The following DDX17 variants were observed in gnomAD, a reference collection of about 807,000 sequenced individuals.
The protein encoded by DDX17 is DEAD-box helicase 17, also known as probable ATP-dependent RNA helicase DDX17.
DDX17 carries 10 observed loss-of-function variants against 80.8 expected under a neutral mutation model. The ratio of observed to expected loss-of-function variants is 0.12; its 90% CI spans 0.08 to 0.21. The LOEUF is 0.21. Ranked by LOEUF, DDX17 falls within the 10% of genes least tolerant of loss-of-function variation. The pLI is 1.00. For missense variants in DDX17, 586 were observed against 957.4 expected, an observed-to-expected ratio of 0.61 and a Z score of 5.12; for synonymous variants, 339 against 336.2, an observed-to-expected ratio of 1.01 and a Z score of -0.09.
intron 11 of DDX17, chr22:38,490,297 G>A (rs1393205105): frequency 7.8e-7 from 1 of 1,282,910 alleles, no homozygotes; most frequent in South Asian, 1.3e-5. Flanking sequence ...TGTCTGAAAG[G>A]CCCTATGACA....
At chr22:38,497,469 T>C (rs2089780291) in intron 5 of DDX17, among the ~76,000 whole-genome samples, 3 of 148,868 alleles carry the variant, frequency 2.0e-5, no homozygotes, top group African/African-American at 7.5e-5. Context: ...AATACAAACA[T>C]TAGCTGGGAG....
intron 10 of DDX17, 26 bp from the exon 11 acceptor site, chr22:38,492,141 T>A (rs780997745): frequency 6.3e-7 from 1 of 1,590,034 alleles, no homozygotes; most frequent in African/African-American, 1.4e-5. Flanking sequence ...ATAATCATCA[T>A]CAAATAAGCA....
chr22:38,495,236 C>T (rs1156976624), intron 6 of DDX17, among the ~76,000 whole-genome samples, 190 bp from the exon 7 acceptor site: 1 of 135,766 alleles, frequency 7.4e-6, no homozygotes, highest in Non-Finnish European at 1.5e-5. Context: ...CTCAATGCTG[C>T]AGAGAAGCTA....
Position 38,497,619 on chromosome 22 carries a change from C to CAA in DDX17, c.738+464_738+465dup, listed in dbSNP as rs138449. ...GGCAACAAGAGTGAGAATATATCTCCAAAAAAAAAAAAAAAAAAGAAAGAA... is the reference window on the plus strand; with the variant it reads ...GGCAACAAGAGTGAGAATATATCTCCAAAAAAAAAAAAAAAAAAAAGAAAGAA... On this transcript the variant is annotated intron_variant, in intron 5 of 12. Coordinates refer to ENST00000403230, the MANE Select transcript of DDX17 (RefSeq NM_006386.5). Among the ~76,000 whole-genome samples, 122 of 74,864 alleles carry CAA rather than the reference C, an allele frequency of 1.6e-3. 2 individuals are homozygous for CAA. Among genetic ancestry groups the CAA allele is most frequent in the South Asian group, 0.01 (18 of 1,726 alleles). 49.1% of individuals were successfully genotyped at this position (74,864 alleles called of 152,430 possible).
chr22:38,499,587 T>G, intron 2 of DDX17, 88 bp from the exon 3 acceptor site: 1 of 1,022,144 alleles, frequency 9.8e-7, no homozygotes, highest in Non-Finnish European at 1.5e-6. Context: ...AATTATCCAG[T>G]CCACAGCTAT....
intron 1 of DDX17, 169 bp downstream of exon 1, chr22:38,505,782 T>G (rs2089875534): frequency 2.4e-6 from 2 of 835,884 alleles, no homozygotes; most frequent in South Asian, 1.9e-5. Flanking sequence ...GGGTCCCGAG[T>G]GACCCCGGGG....
intron 11 of DDX17, chr22:38,490,112 G>A (rs1315105216): frequency 3.5e-6 from 4 of 1,144,014 alleles, no homozygotes; most frequent in African/African-American, 1.6e-5. Context: ...TGCATGCACA[G>A]CTGGATGGGG....
chr22:38,503,308 G>T (rs911789997), intron 1 of DDX17, among the ~76,000 whole-genome samples: 7 of 152,136 alleles, frequency 4.6e-5, no homozygotes, highest in African/African-American at 1.7e-4. Context: ...AATTATAAAA[G>T]ACTTCATTGT....
chr22:38,487,780 T>A (rs2089674890), intron 12 of DDX17, 99 bp downstream of exon 12: 1 of 1,241,724 alleles, frequency 8.1e-7, no homozygotes, highest in Admixed American at 1.7e-5. Flanking sequence ...TTAAGCAACA[T>A]ACTTACAGCC....
At chr22:38,496,201 T>C (rs2089764855) in intron 5 of DDX17, among the ~76,000 whole-genome samples, 1 of 152,150 alleles carries the variant, frequency 6.6e-6, no homozygotes, top group African/African-American at 2.4e-5. Context: ...CATTATAGTT[T>C]ATATATACTG....
rs2089703702 is a variant in DDX17, at chr22:38,490,536, G to A, written c.1447+1520C>T. ...AATAAAAAATATCCCAGTGGAAAGG[G>A]AAGTGGTAGCCTAAGGATGACTATT... On this transcript the variant is annotated intron_variant, in intron 11 of 12. Coordinates refer to ENST00000403230, the MANE Select transcript of DDX17 (RefSeq NM_006386.5). 45 of 1,011,720 alleles carry A rather than the reference G, an allele frequency of 4.4e-5. No homozygotes were observed. In the South Asian group the frequency reaches 5.4e-4, roughly 12 times the overall value. 62.7% of individuals were successfully genotyped at this position (1,011,720 alleles called of 1,614,324 possible).
chr22:38,494,511 A>G (rs1013273551), intron 8 of DDX17, 119 bp downstream of exon 8: 11 of 864,100 alleles, frequency 1.3e-5, no homozygotes, highest in Admixed American at 1.1e-4. Context: ...TCAGAAACCT[A>G]GCAATGCTTT....
intron 1 of DDX17, chr22:38,505,749 G>A (rs1300472198): frequency 3.3e-6 from 2 of 611,550 alleles, no homozygotes; most frequent in Non-Finnish European, 5.4e-6. Flanking sequence ...GAGGCCCAGC[G>A]TCGCCAAGCG....
At chr22:38,487,830 TAA>T (rs775622387) in intron 12 of DDX17, 47 bp downstream of exon 12, 3 of 1,607,532 alleles carry the variant, frequency 1.9e-6, no homozygotes, top group South Asian at 1.1e-5. Flanking sequence ...ACAGAAGGCG[TAA>T]AGAGATACCT....
At chr22:38,496,273 G>A (rs964828321) in intron 5 of DDX17, among the ~76,000 whole-genome samples, 7 of 152,100 alleles carry the variant, frequency 4.6e-5, no homozygotes, top group Non-Finnish European at 1.0e-4. Context: ...TTTACAGGTT[G>A]AGCATCCTAA....
rs569602469 is a variant in DDX17, at chr22:38,505,963, C to G, written c.275G>C (p.Arg92Pro). 1.3e-6 allele frequency: 2 copies of G among 1,582,908 alleles called. No individual in the cohort carries two copies. The highest frequency in any genetic ancestry group is 1.8e-5 in the Admixed American group (1 of 54,904). The change falls in exon 1 of 13, where the codon CGT becomes CCT. Residue 92 changes from arginine (R) to proline (P), a missense_variant. By Grantham distance (103) the Arg-to-Pro change is moderately radical. Around this residue, in one of 4 missense-constraint regions of DDX17, gnomAD observed 215 missense variants for 238.4 expected, o/e 0.90. Coordinates refer to ENST00000403230, the MANE Select transcript of DDX17 (RefSeq NM_006386.5). ...CCCCCACCCTTACCCTCCACGGTCA[C>G]GATCCCGGTCCCGGTCCCCAAAGCC...
chr22:38,493,668 G>C, intron 10 of DDX17, 42 bp downstream of exon 10: 1 of 1,453,040 alleles, frequency 6.9e-7, no homozygotes, highest in Non-Finnish European at 9.7e-7. Context: ...CTTATGGGCA[G>C]GGGGTGGGGA....
At chr22:38,492,220 G>T in intron 10 of DDX17, 105 bp from the exon 11 acceptor site, 2 of 902,424 alleles carry the variant, frequency 2.2e-6, no homozygotes, top group Non-Finnish European at 1.7e-6. Context: ...AAAATCCCAA[G>T]CTCTTGTAAT....
intron 5 of DDX17, among the ~76,000 whole-genome samples, chr22:38,497,869 T>G (rs1387165605): frequency 1.3e-5 from 2 of 152,168 alleles, no homozygotes; most frequent in African/African-American, 2.4e-5. Flanking sequence ...CATGGTTTCT[T>G]TAAGAGTAAG....
Sources: gnomAD v4.1 joint callset for allele counts (sites outside exome capture counted in the v4.1 genomes callset) on GRCh38, gnomAD v4.1.1 for gene constraint, gnomAD v4.1.1 regional missense constraint, MANE v1.5 for transcripts, NCBI Gene and HGNC (gene_info 2026-07-23, HGNC 2026-07-21) for gene names.